LRRTM4: variants seen among roughly 807,000 people sequenced by gnomAD.
The protein encoded by LRRTM4 is leucine rich repeat transmembrane neuronal 4, also known as leucine-rich repeat transmembrane neuronal protein 4.
Under a neutral mutation model 47.6 loss-of-function variants are expected in LRRTM4, and 25 were observed. The ratio of observed to expected loss-of-function variants is 0.53; its 90% CI spans 0.38 to 0.73. LRRTM4 has a LOEUF of 0.73. Ranked by LOEUF, LRRTM4 falls within the 30% of genes least tolerant of loss-of-function variation. The probability of loss-of-function intolerance (pLI) is 0.00; values close to 1 mark genes in which losing one functional copy is unlikely to be tolerated. For missense variants in LRRTM4, 638 were observed against 713.4 expected, an observed-to-expected ratio of 0.89 and a Z score of 1.20; for synonymous variants, 311 against 269.5, an observed-to-expected ratio of 1.15 and a Z score of -1.51.
At chr2:77,061,832 T>G (rs564769012) in intron 3 of LRRTM4, among the ~76,000 whole-genome samples, 124 of 152,248 alleles carry the variant, frequency 8.1e-4, no homozygotes, top group Non-Finnish European at 1.5e-3. Flanking sequence ...TACAAACCAA[T>G]CACGCTGGAT....
chr2:77,186,613 A>G (rs532798204), intron 3 of LRRTM4, among the ~76,000 whole-genome samples: 1 of 152,342 alleles, frequency 6.6e-6, no homozygotes, highest in South Asian at 2.1e-4. Flanking sequence ...AAAATTAAAT[A>G]CAATTAAAAT....
chr2:77,407,285 G>C (rs74924822), intron 3 of LRRTM4, among the ~76,000 whole-genome samples: 2,556 of 151,974 alleles, frequency 0.017, 62 homozygotes, highest in African/African-American at 0.052. Flanking sequence ...TATAATCCAA[G>C]TAAATTTACC....
intron 3 of LRRTM4, among the ~76,000 whole-genome samples, chr2:77,301,950 T>C (rs752418493): frequency 3.9e-5 from 6 of 152,102 alleles, no homozygotes; most frequent in Admixed American, 6.6e-5. Flanking sequence ...CTCGAAAATA[T>C]TAAAGTCATA....
chr2:77,013,786 A>C (rs778856409), intron 3 of LRRTM4, among the ~76,000 whole-genome samples: 7 of 152,154 alleles, frequency 4.6e-5, no homozygotes, highest in Non-Finnish European at 8.8e-5. Flanking sequence ...AAATATTGAA[A>C]TTTTTAAGAG....
At chr2:77,395,118 CAA>C (rs769491353) in intron 3 of LRRTM4, among the ~76,000 whole-genome samples, 37 of 151,912 alleles carry the variant, frequency 2.4e-4, no homozygotes, top group Non-Finnish European at 4.7e-4. Context: ...TACTGGGCCA[CAA>C]AGAGTCTGTT....
chr2:77,330,185 G>A (rs116001440), intron 3 of LRRTM4, among the ~76,000 whole-genome samples: 1 of 151,976 alleles, frequency 6.6e-6, no homozygotes, highest in African/African-American at 2.4e-5. Context: ...GGAGTAATCT[G>A]GGGGGGCAGG....
intron 3 of LRRTM4, among the ~76,000 whole-genome samples, chr2:76,898,830 G>A (rs535402147): frequency 7.9e-5 from 12 of 151,080 alleles, no homozygotes; most frequent in African/African-American, 2.4e-4. Flanking sequence ...TATACTGACT[G>A]TATAAAATAT....
At chr2:77,334,433 G>A (rs1388845282) in intron 3 of LRRTM4, among the ~76,000 whole-genome samples, 1 of 152,152 alleles carries the variant, frequency 6.6e-6, no homozygotes, top group East Asian at 1.9e-4. Context: ...AATTATGGGG[G>A]CATGGTCTTT....
chr2:76,980,352 A>T (rs1308757966), intron 3 of LRRTM4, among the ~76,000 whole-genome samples: 1 of 152,088 alleles, frequency 6.6e-6, no homozygotes, highest in Non-Finnish European at 1.5e-5. Flanking sequence ...TCAAGCTAAT[A>T]AAAGTGTAGT....
chr2:76,909,149 T>C lies in LRRTM4; in HGVS notation c.1552-160233A>G, dbSNP rs191269309. Among the ~76,000 whole-genome samples, 244 of 152,230 alleles carry C rather than the reference T, an allele frequency of 1.6e-3. 1 individual carries two copies. The highest frequency in any genetic ancestry group is 4.8e-3 in the African/African-American group (201 of 41,536). On this transcript the variant is annotated intron_variant, in intron 3 of 3. Transcript: ENST00000409884. ...TGGCACTGGCACCAAAACAGAGATA[T>C]AGATCAATGGAACAGAACAGAGCCC...
intron 3 of LRRTM4, among the ~76,000 whole-genome samples, chr2:77,217,035 T>G (rs2103936702): frequency 6.8e-6 from 1 of 146,360 alleles, no homozygotes; most frequent in South Asian, 2.2e-4. Flanking sequence ...ATTGCGCCAC[T>G]GCACTGCAGC....
chr2:77,017,886 A>C (rs527760804), intron 3 of LRRTM4, among the ~76,000 whole-genome samples: 1 of 149,190 alleles, frequency 6.7e-6, no homozygotes, highest in Admixed American at 6.7e-5. Flanking sequence ...ATTATATATT[A>C]GAAAGCGTCT....
At chr2:76,778,492 A>G (rs1422555064) in intron 3 of LRRTM4, among the ~76,000 whole-genome samples, 1 of 147,906 alleles carries the variant, frequency 6.8e-6, no homozygotes, top group East Asian at 1.9e-4. Context: ...GTCTTGGGAG[A>G]GTGTATGTGT....
chr2:76,878,802 A>G (rs1406602397), intron 3 of LRRTM4, among the ~76,000 whole-genome samples: 7 of 152,098 alleles, frequency 4.6e-5, no homozygotes, highest in Admixed American at 4.6e-4. Context: ...TGAACCCAGG[A>G]GGCGGAACTT....
intron 3 of LRRTM4, among the ~76,000 whole-genome samples, chr2:77,054,567 G>T (rs1011565837): frequency 6.6e-6 from 1 of 152,150 alleles, no homozygotes; most frequent in Admixed American, 6.5e-5. Context: ...AAATAGCTAG[G>T]ATAGGTACAA....
chr2:77,200,845 G>T (rs1673953736), intron 3 of LRRTM4, among the ~76,000 whole-genome samples: 1 of 152,026 alleles, frequency 6.6e-6, no homozygotes, highest in Non-Finnish European at 1.5e-5. Flanking sequence ...GAGCTGCATA[G>T]AATCCTAAGT....
chr2:77,000,310 G>GAA lies in LRRTM4; in HGVS notation c.1552-251396_1552-251395dup, dbSNP rs3057996. ...CCTTCTCAGCCTTAAGGGATTTCTA[G>GAA]AAAAAAAAAAAGGGTTAGTAATTGT... On this transcript the variant is annotated intron_variant, in intron 3 of 3. Coordinates refer to ENST00000409884, the MANE Select transcript of LRRTM4 (RefSeq NM_001134745.3). 5.6e-3 allele frequency among the ~76,000 whole-genome samples: 812 copies of GAA among 145,726 alleles called. 24 individuals carry two copies. In the South Asian group the frequency reaches 0.073, roughly 13 times the overall value.
intron 3 of LRRTM4, among the ~76,000 whole-genome samples, chr2:77,103,667 A>ATATATCTATATATATATC (rs1553389712): frequency 1.4e-5 from 2 of 146,274 alleles, no homozygotes; most frequent in African/African-American, 5.1e-5. Flanking sequence ...ATATATAGAT[A>ATATATCTATATATATATC]TATATATCAC....
intron 3 of LRRTM4, among the ~76,000 whole-genome samples, chr2:77,106,933 C>G (rs975381745): frequency 6.6e-6 from 1 of 151,576 alleles, no homozygotes. Flanking sequence ...AACTAGAAAC[C>G]TGCATATACA....
Sources: gnomAD v4.1 joint callset for allele counts (sites outside exome capture counted in the v4.1 genomes callset) on GRCh38, gnomAD v4.1.1 for gene constraint, MANE v1.5 for transcripts, NCBI Gene and HGNC (gene_info 2026-07-23, HGNC 2026-07-21) for gene names.